MAP4K4: variants seen among roughly 807,000 people sequenced by gnomAD.
MAP4K4 encodes the protein mitogen-activated protein kinase kinase kinase kinase 4.
MAP4K4 carries 38 observed loss-of-function variants against 189.6 expected under a neutral mutation model. That is an observed-to-expected ratio of 0.20 (90% CI 0.15 to 0.26). MAP4K4 has a LOEUF of 0.26. MAP4K4 is among the 10% of genes least tolerant of loss of function. MAP4K4 has a pLI of 1.00. For synonymous variants in MAP4K4, 610 were observed against 624.3 expected, an observed-to-expected ratio of 0.98 and a Z score of 0.34; for missense variants, 1,054 against 1,726.9, an observed-to-expected ratio of 0.61 and a Z score of 6.91.
chr2:101,870,504 A>G, intron 23 of MAP4K4, 89 bp downstream of exon 23: 1 of 1,533,228 alleles, frequency 6.5e-7, no homozygotes, highest in Non-Finnish European at 8.8e-7. Flanking sequence ...CTGTTTCTCC[A>G]TCATCATCTG....
intron 3 of MAP4K4, among the ~76,000 whole-genome samples, chr2:101,808,736 C>T (rs1286104539): frequency 1.3e-5 from 2 of 152,026 alleles, no homozygotes; most frequent in Admixed American, 6.6e-5. Flanking sequence ...AAATTACACT[C>T]ATAATTCCAT....
At chr2:101,789,960 C>T (rs894212299) in intron 2 of MAP4K4, among the ~76,000 whole-genome samples, 1 of 152,022 alleles carries the variant, frequency 6.6e-6, no homozygotes, top group African/African-American at 2.4e-5. Flanking sequence ...CTGTAAGAAA[C>T]CTGTCTCCCT....
chr2:101,727,747 T>A (rs1574355806), intron 2 of MAP4K4, among the ~76,000 whole-genome samples: 2 of 152,174 alleles, frequency 1.3e-5, no homozygotes, highest in African/African-American at 4.8e-5. Context: ...GGCAGGCGGA[T>A]CACCTGAGGT....
At chr2:101,889,647 T>C (rs2098537247) in intron 32 of MAP4K4, among the ~76,000 whole-genome samples, 1 of 152,240 alleles carries the variant, frequency 6.6e-6, no homozygotes, top group Non-Finnish European at 1.5e-5. Context: ...GCCTACCCTT[T>C]CTTTCTTCTG....
intron 2 of MAP4K4, among the ~76,000 whole-genome samples, chr2:101,765,973 A>G (rs73943763): frequency 0.016 from 2,440 of 152,282 alleles, 75 homozygotes; most frequent in African/African-American, 0.055. Flanking sequence ...AAAAAATTAA[A>G]AAAATTAAAT....
At chr2:101,819,752 T>C (rs377061680) in intron 3 of MAP4K4, among the ~76,000 whole-genome samples, 1 of 152,350 alleles carries the variant, frequency 6.6e-6, no homozygotes, top group South Asian at 2.1e-4. Flanking sequence ...AGAAAAGCTA[T>C]TGCCAGACTT....
intron 2 of MAP4K4, among the ~76,000 whole-genome samples, chr2:101,733,013 A>T (rs2059120486): frequency 6.6e-6 from 1 of 152,246 alleles, no homozygotes; most frequent in Non-Finnish European, 1.5e-5. Flanking sequence ...GTCACTCGGC[A>T]TCTCTGCCAA....
At chr2:101,700,872 A>T (rs1311219699) in intron 2 of MAP4K4, among the ~76,000 whole-genome samples, 4 of 151,918 alleles carry the variant, frequency 2.6e-5, no homozygotes, top group Non-Finnish European at 5.9e-5. Flanking sequence ...ATAGCAGAAC[A>T]TCTCTTTTTT....
At chr2:101,707,559 C>G (rs920265205) in intron 2 of MAP4K4, among the ~76,000 whole-genome samples, 4 of 152,094 alleles carry the variant, frequency 2.6e-5, no homozygotes, top group African/African-American at 9.7e-5. Context: ...GTCCCCCAGG[C>G]TGCAGTACAG....
At chr2:101,888,275 C>T (rs189749054) in intron 31 of MAP4K4, among the ~76,000 whole-genome samples, 5 of 152,184 alleles carry the variant, frequency 3.3e-5, no homozygotes, top group East Asian at 1.9e-4. Flanking sequence ...GAATTGGTAA[C>T]GAATTGGTAA....
At chr2:101,828,682 C>T (rs369157209) in intron 5 of MAP4K4, among the ~76,000 whole-genome samples, 11 of 152,108 alleles carry the variant, frequency 7.2e-5, no homozygotes, top group East Asian at 3.9e-4. Flanking sequence ...TATAATCTGC[C>T]CTTTTGGATT....
At chr2:101,791,087 A>T (rs2092811080) in intron 3 of MAP4K4, among the ~76,000 whole-genome samples, 1 of 152,196 alleles carries the variant, frequency 6.6e-6, no homozygotes, top group Admixed American at 6.5e-5. Flanking sequence ...AAAAGTTTGA[A>T]AAGGGATCAT....
exon 33 of MAP4K4, chr2:101,893,031 A>G (rs1438793407): frequency 2.2e-6 from 1 of 456,298 alleles, no homozygotes; most frequent in Non-Finnish European, 4.4e-6. Flanking sequence ...GTATATTGTG[A>G]AAATGGGGGA....
intron 3 of MAP4K4, among the ~76,000 whole-genome samples, chr2:101,795,853 A>G (rs573603878): frequency 1.3e-5 from 2 of 152,316 alleles, no homozygotes; most frequent in Admixed American, 1.3e-4. Flanking sequence ...TGATAAAACA[A>G]CACATTTTTA....
Position 101,802,174 on chromosome 2 carries a change from T to A in MAP4K4, c.180+11398T>A, listed in dbSNP as rs1207221226. 3.9e-5 allele frequency among the ~76,000 whole-genome samples: 6 copies of A among 152,324 alleles called. No individual in the cohort carries two copies. In the East Asian group the frequency reaches 7.7e-4, roughly 20 times the overall value. ...CTGTAAGAACAAACAGATACAAATC[T>A]GACCCTTCTCACCACAGCCTCTGTG... On this transcript the variant is annotated intron_variant, in intron 3 of 32. Coordinates refer to ENST00000324219, the Ensembl canonical transcript of MAP4K4.
At chr2:101,787,033 A>G (rs913742841) in intron 2 of MAP4K4, among the ~76,000 whole-genome samples, 2 of 152,210 alleles carry the variant, frequency 1.3e-5, no homozygotes, top group African/African-American at 2.4e-5. Context: ...ACATTCATAA[A>G]TGGATGCTAG....
intron 12 of MAP4K4, 88 bp downstream of exon 12, chr2:101,844,399 T>C: frequency 9.4e-7 from 1 of 1,060,502 alleles, no homozygotes. Flanking sequence ...ATATCCTCTG[T>C]AGCTTCCTGG....
At chr2:101,712,585 C>T (rs999514322) in intron 2 of MAP4K4, among the ~76,000 whole-genome samples, 1 of 151,988 alleles carries the variant, frequency 6.6e-6, no homozygotes, top group African/African-American at 2.4e-5. Context: ...CTGCAACCTC[C>T]ATCTCCCAGG....
At position 101,791,639 on chromosome 2, in the gene MAP4K4, T is replaced by G. The variant is rs146177397; in HGVS notation, c.180+863T>G. 6.6e-3 allele frequency among the ~76,000 whole-genome samples: 1,010 copies of G among 152,252 alleles called. 11 individuals are homozygous for G. Among genetic ancestry groups the G allele is most frequent in the African/African-American group, 0.024 (977 of 41,542 alleles). ...TAAATCCAGCCATAACTTCCCCAAG[T>G]CTGGGGTCTGTCAAGGGAGATAATG... On this transcript the variant is annotated intron_variant, in intron 3 of 32. Transcript: ENST00000324219.
Sources: gnomAD v4.1 joint callset for allele counts (sites outside exome capture counted in the v4.1 genomes callset) on GRCh38, gnomAD v4.1.1 for gene constraint, MANE v1.5 for transcripts, NCBI Gene and HGNC (gene_info 2026-07-23, HGNC 2026-07-21) for gene names.